PRKAG2: variants seen among roughly 807,000 people sequenced by gnomAD.
The protein encoded by PRKAG2 is protein kinase AMP-activated non-catalytic subunit gamma 2, also known as 5'-AMP-activated protein kinase subunit gamma-2.
In PRKAG2, 26 loss-of-function variants were observed where a neutral mutation model predicts 69.6. That is an observed-to-expected ratio of 0.37 (90% CI 0.27 to 0.52). The LOEUF (loss-of-function observed/expected upper bound fraction) is 0.52, where lower values mean the gene tolerates loss of function less well. Among genes scored for constraint, PRKAG2 ranks in the 20% least tolerant of loss-of-function variants. PRKAG2 has a pLI of 0.90. For synonymous variants in PRKAG2, 293 were observed against 285.0 expected, an observed-to-expected ratio of 1.03 and a Z score of -0.28; for missense variants, 557 against 740.0, an observed-to-expected ratio of 0.75 and a Z score of 2.87.
intron 1 of PRKAG2, among the ~76,000 whole-genome samples, chr7:151,844,337 C>G (rs2079379470): frequency 6.6e-6 from 1 of 152,160 alleles, no homozygotes; most frequent in Non-Finnish European, 1.5e-5. Context: ...CTCTCAACTT[C>G]TACCACTCCG....
intron 4 of PRKAG2, among the ~76,000 whole-genome samples, chr7:151,670,768 G>A (rs545066185): frequency 2.0e-5 from 3 of 152,242 alleles, no homozygotes; most frequent in Admixed American, 6.5e-5. Flanking sequence ...AACAAACATT[G>A]GCCTTTTCCC....
chr7:151,574,674 T>C (rs1808459950), intron 8 of PRKAG2, among the ~76,000 whole-genome samples: 2 of 152,198 alleles, frequency 1.3e-5, no homozygotes, highest in Admixed American at 6.5e-5. Flanking sequence ...TTCCTGAGAA[T>C]TCCTTCTTTG....
chr7:151,781,473 T>C lies in PRKAG2; in HGVS notation c.187-42A>G, dbSNP rs750285017. 1 of 1,564,162 alleles carries C rather than the reference T, an allele frequency of 6.4e-7. No homozygotes were observed. The highest frequency in any genetic ancestry group is 8.6e-7 in the Non-Finnish European group (1 of 1,156,218). ...GAATGGATGCAGTCACTCCACGCTCTGGACACGCTGCCTCCTGCCCTGTAT... is the reference window on the plus strand; with the variant it reads ...GAATGGATGCAGTCACTCCACGCTCCGGACACGCTGCCTCCTGCCCTGTAT... On this transcript the variant is annotated intron_variant, in intron 2 of 15. Transcript: ENST00000287878. The surrounding 1 kb of genome is among the most constrained non-coding windows in gnomAD (Gnocchi z 6.1).
intron 3 of PRKAG2, among the ~76,000 whole-genome samples, chr7:151,715,881 C>T (rs895246007): frequency 1.1e-4 from 16 of 152,166 alleles, no homozygotes; most frequent in African/African-American, 2.9e-4. Context: ...CCACTCTCCT[C>T]GCTCACAGGG....
chr7:151,569,878 A>G (rs1807136955), intron 10 of PRKAG2, among the ~76,000 whole-genome samples: 1 of 152,220 alleles, frequency 6.6e-6, no homozygotes, highest in Non-Finnish European at 1.5e-5. Flanking sequence ...TTAGCAGGTC[A>G]GGGGTAAAAG....
intron 6 of PRKAG2, among the ~76,000 whole-genome samples, chr7:151,585,206 TTC>T (rs1402501713): frequency 2.6e-5 from 4 of 152,206 alleles, no homozygotes; most frequent in Non-Finnish European, 5.9e-5. Flanking sequence ...TAAAAATGAT[TTC>T]TGTTATAGAA....
intron 13 of PRKAG2, 187 bp from the exon 14 acceptor site, chr7:151,564,411 C>T (rs1230041020): frequency 1.2e-5 from 7 of 595,102 alleles, no homozygotes; most frequent in African/African-American, 5.6e-5. Flanking sequence ...GTCAACATAT[C>T]AATCACAATT....
intron 1 of PRKAG2, among the ~76,000 whole-genome samples, chr7:151,833,434 G>C (rs535369468): frequency 6.6e-6 from 1 of 152,348 alleles, no homozygotes; most frequent in South Asian, 2.1e-4. Flanking sequence ...CTGGAAAGGA[G>C]AGGGTGGAAG....
chr7:151,605,936 CAA>C (rs560080587), intron 5 of PRKAG2, among the ~76,000 whole-genome samples: 84 of 91,020 alleles, frequency 9.2e-4, no homozygotes, highest in East Asian at 3.5e-3. Context: ...GACTCCGTCT[CAA>C]AAAAAAAAAA....
At chr7:151,759,029 G>C (rs1016543291) in intron 3 of PRKAG2, among the ~76,000 whole-genome samples, 2 of 152,078 alleles carry the variant, frequency 1.3e-5, no homozygotes, top group African/African-American at 4.8e-5. Flanking sequence ...CATTGCATCC[G>C]ATCGACATCC....
chr7:151,631,561 G>A (rs372657822), intron 5 of PRKAG2: 37 of 386,184 alleles, frequency 9.6e-5, no homozygotes, highest in South Asian at 5.0e-4. Context: ...AGGGTCGCCT[G>A]AACTCAACAC....
intron 3 of PRKAG2, among the ~76,000 whole-genome samples, chr7:151,761,288 A>C (rs1198351159): frequency 6.6e-6 from 1 of 152,242 alleles, no homozygotes; most frequent in Non-Finnish European, 1.5e-5. Flanking sequence ...AGAGGCCTGA[A>C]TTCTGCTAAG....
intron 3 of PRKAG2, among the ~76,000 whole-genome samples, chr7:151,755,198 G>C (rs1004060046): frequency 1.3e-5 from 2 of 152,164 alleles, no homozygotes; most frequent in African/African-American, 4.8e-5. Flanking sequence ...CCTTAGCTGA[G>C]GGCCATCTGT....
intron 3 of PRKAG2, among the ~76,000 whole-genome samples, chr7:151,709,104 T>C (rs1253576072): frequency 6.6e-6 from 1 of 151,836 alleles, no homozygotes; most frequent in Non-Finnish European, 1.5e-5. Flanking sequence ...TTGAGTGATA[T>C]GACATTTTAT....
At position 151,835,702 on chromosome 7, in the gene PRKAG2, GTCCTGTTGCAGGACAGTCACCCAGCA is replaced by G. The variant is rs1385939613; in HGVS notation, c.114+40779_114+40804del. 2.6e-5 allele frequency among the ~76,000 whole-genome samples: 4 copies of G among 152,174 alleles called. No individual in the cohort carries two copies. The highest frequency in any genetic ancestry group is 9.7e-5 in the African/African-American group (4 of 41,444). ...CAGACACACAAGGAGACTGACCCAGGTCCTGTTGCAGGACAGTCACCCAGCATCCTGGCCCCACCCTGGGCTTCCAT... is the reference window on the plus strand; with the variant it reads ...CAGACACACAAGGAGACTGACCCAGGTCCTGGCCCCACCCTGGGCTTCCAT... On this transcript the variant is annotated intron_variant, in intron 1 of 15. Transcript: ENST00000287878. The surrounding 1 kb of genome is among the most constrained non-coding windows in gnomAD (Gnocchi z 4.1).
intron 11 of PRKAG2, among the ~76,000 whole-genome samples, chr7:151,568,241 A>T (rs184766053): frequency 6.6e-6 from 1 of 152,344 alleles, no homozygotes; most frequent in African/African-American, 2.4e-5. Flanking sequence ...TCTCTTGCCA[A>T]AATTTTATTT....
chr7:151,708,888 T>C (rs147394756), intron 3 of PRKAG2, among the ~76,000 whole-genome samples: 151 of 152,242 alleles, frequency 9.9e-4, no homozygotes, highest in Middle Eastern at 3.4e-3. Context: ...GGGGCACCCA[T>C]GGACAGAGCT....
At position 151,621,512 on chromosome 7, in the gene PRKAG2, G is replaced by A. The variant is rs1376113219; in HGVS notation, c.754+10557C>T. On this transcript the variant is annotated intron_variant, in intron 5 of 15. Coordinates refer to ENST00000287878, the MANE Select transcript of PRKAG2 (RefSeq NM_016203.4). The stretch of plus-strand genomic sequence containing the variant: ...AACCTGGGTGACAGAGTGAGACCCT[G>A]TCACAAAACAAAACAAAACAAAACA... 3.3e-5 allele frequency among the ~76,000 whole-genome samples: 5 copies of A among 151,876 alleles called. 1 individual carries two copies. The East Asian group carries it at 9.6e-4, about 29-fold the overall frequency.
chr7:151,762,302 T>G (rs1184591014), intron 3 of PRKAG2, among the ~76,000 whole-genome samples: 2 of 152,168 alleles, frequency 1.3e-5, no homozygotes, highest in African/African-American at 4.8e-5. Context: ...AGGCAACTGT[T>G]GCAAGAATGA....
Sources: allele counts gnomAD v4.1 joint callset (sites outside exome capture counted in the v4.1 genomes callset), GRCh38; gene constraint gnomAD v4.1.1; non-coding constraint Gnocchi (gnomAD v3.1); transcripts MANE v1.5; gene names NCBI Gene and HGNC (gene_info 2026-07-23, HGNC 2026-07-21).